The following GABRB3 variants were observed in gnomAD, a reference collection of about 807,000 sequenced individuals.
GABRB3 encodes gamma-aminobutyric acid receptor subunit beta-3.
Under a neutral mutation model 52.1 loss-of-function variants are expected in GABRB3, and 14 were observed. The ratio of observed to expected loss-of-function variants is 0.27; its 90% CI spans 0.18 to 0.42. GABRB3 has a LOEUF of 0.42. GABRB3 is among the 10% of genes least tolerant of loss of function. GABRB3 has a pLI of 1.00. For synonymous variants in GABRB3, 260 were observed against 232.3 expected (o/e 1.12, Z -1.08); for missense variants, 307 against 609.1 (o/e 0.50, Z 5.22).
intron 3 of GABRB3, among the ~76,000 whole-genome samples, chr15:26,711,850 T>C (rs981777): frequency 0.42 from 63,415 of 151,554 alleles, 13,557 homozygotes; most frequent in African/African-American, 0.51. Flanking sequence ...CTTGTCAATT[T>C]GCGAAAAGTA....
chr15:26,680,474 T>G (rs1315863272), intron 3 of GABRB3, among the ~76,000 whole-genome samples: 1 of 84,298 alleles, frequency 1.2e-5, no homozygotes, highest in Non-Finnish European at 2.8e-5. Context: ...ACAGCCTTGT[T>G]ATGAAATTGA....
intron 3 of GABRB3, among the ~76,000 whole-genome samples, chr15:26,653,330 G>A (rs1887256077): frequency 6.6e-6 from 1 of 152,184 alleles, no homozygotes; most frequent in East Asian, 1.9e-4. Flanking sequence ...TAAGATTGGT[G>A]TTCAAGGTAT....
At chr15:26,739,680 G>T (rs560814718) in intron 3 of GABRB3, among the ~76,000 whole-genome samples, 13 of 152,212 alleles carry the variant, frequency 8.5e-5, no homozygotes, top group African/African-American at 3.1e-4. Context: ...ATTAGAAAAA[G>T]ATTTTTATTG....
chr15:26,657,592 G>A (rs1356175032), intron 3 of GABRB3, among the ~76,000 whole-genome samples: 1 of 152,220 alleles, frequency 6.6e-6, no homozygotes, highest in African/African-American at 2.4e-5. Context: ...CCTGTGTTAG[G>A]TGCTTTATAT....
At chr15:26,675,154 T>G (rs564086763) in intron 3 of GABRB3, among the ~76,000 whole-genome samples, 94 of 152,328 alleles carry the variant, frequency 6.2e-4, no homozygotes, top group African/African-American at 2.2e-3. Flanking sequence ...CCAGTTGAGA[T>G]TGTGGAGCTG....
At chr15:26,679,800 C>T (rs542041316) in intron 3 of GABRB3, among the ~76,000 whole-genome samples, 19 of 152,114 alleles carry the variant, frequency 1.2e-4, no homozygotes, top group Non-Finnish European at 8.8e-5. Flanking sequence ...GGCTGGGACC[C>T]ACTGGATCCA....
intron 3 of GABRB3, among the ~76,000 whole-genome samples, chr15:26,730,491 C>A (rs1028522027): frequency 2.6e-5 from 4 of 152,102 alleles, no homozygotes; most frequent in African/African-American, 4.8e-5. Context: ...CTCACCACCC[C>A]CCGTGCGGAT....
intron 3 of GABRB3, among the ~76,000 whole-genome samples, chr15:26,679,661 G>A (rs1182029000): frequency 6.6e-6 from 1 of 152,006 alleles, no homozygotes; most frequent in Non-Finnish European, 1.5e-5. Flanking sequence ...GCCAGAAACA[G>A]TTCCCTCCAC....
chr15:26,567,425 C>A (rs926023937), intron 7 of GABRB3, among the ~76,000 whole-genome samples, 156 bp downstream of exon 7: 2 of 152,100 alleles, frequency 1.3e-5, no homozygotes, highest in African/African-American at 4.8e-5. Context: ...GGGAATCGTG[C>A]GTGAAATTAG....
intron 4 of GABRB3, among the ~76,000 whole-genome samples, chr15:26,589,988 T>C (rs1820522756): frequency 1.3e-5 from 2 of 152,142 alleles, no homozygotes; most frequent in Admixed American, 1.3e-4. Flanking sequence ...ACTCCCAGCA[T>C]GAGTCCTGGC....
chr15:26,594,600 ACCTTC>A (rs1448887972), intron 4 of GABRB3, among the ~76,000 whole-genome samples: 2 of 152,158 alleles, frequency 1.3e-5, no homozygotes, highest in Non-Finnish European at 2.9e-5. Context: ...GGCTCAAGTG[ACCTTC>A]CTGTGTTAGC....
At chr15:26,608,219 C>G (rs903649136) in intron 4 of GABRB3, among the ~76,000 whole-genome samples, 3 of 151,936 alleles carry the variant, frequency 2.0e-5, no homozygotes, top group African/African-American at 7.2e-5. Context: ...AAAGAATAAT[C>G]TCTTCCATAA....
upstream of GABRB3, chr15:26,773,083 G>A (rs1595364240): frequency 8.0e-6 from 8 of 998,786 alleles, no homozygotes; most frequent in South Asian, 4.6e-5. Context: ...GAGCGGAGGA[G>A]GGCGGAGGGG....
chr15:26,621,196 T>A lies in GABRB3; in HGVS notation c.461+118A>T. On this transcript the variant is annotated intron_variant, in intron 4 of 8. Transcript: ENST00000311550. The surrounding 1 kb of genome is among the most constrained non-coding windows in gnomAD (Gnocchi z 4.1). ...TTTTCTGCAAAGCTTTAGTGCTTCA[T>A]AGATGCTTCCTAATTTATCTGAGGT... The A allele has an allele frequency of 3.4e-6, 3 of 887,966 alleles. No homozygotes were observed. Among genetic ancestry groups the A allele is most frequent in the Non-Finnish European group, 5.7e-6 (3 of 528,076 alleles). 55.0% of individuals were successfully genotyped at this position (887,966 alleles called of 1,614,324 possible).
At position 26,726,437 on chromosome 15, in the gene GABRB3, G is replaced by A. The variant is rs559609178; in HGVS notation, c.240+45965C>T. Among the ~76,000 whole-genome samples the A allele has an allele frequency of 3.9e-5, 6 of 152,234 alleles. No homozygotes were observed. In the East Asian group the frequency reaches 5.8e-4, roughly 15 times the overall value. ...ATTTGAATGTCACTGATAGTTCCAC[G>A]TTAGTTCCTTTCTGGACCCGGTTCC... On this transcript the variant is annotated intron_variant, in intron 3 of 8. Coordinates refer to ENST00000311550, the MANE Select transcript of GABRB3 (RefSeq NM_000814.6).
chr15:26,594,038 A>G (rs1891305792), intron 4 of GABRB3, among the ~76,000 whole-genome samples: 1 of 146,586 alleles, frequency 6.8e-6, no homozygotes, highest in Non-Finnish European at 1.5e-5. Flanking sequence ...GTAGTATCTC[A>G]TTGTGGTTTA....
chr15:26,667,126 C>T (rs1002054820), intron 3 of GABRB3, among the ~76,000 whole-genome samples: 3 of 152,336 alleles, frequency 2.0e-5, no homozygotes, highest in African/African-American at 4.8e-5. Flanking sequence ...CGGTCCCGAA[C>T]GCATCCTGTA....
In GABRB3 at chr15:26,546,891, C is replaced by A. The variant is rs963722826; in HGVS notation, c.*902G>T. On this transcript the variant is annotated 3_prime_UTR_variant, in exon 9 of 9. Transcript: ENST00000311550. ...TAGAGTAACGAATAACCTGAGACGT[C>A]TATGCTTTCTGTTGGATATCAGGCC... The A allele has an allele frequency of 6.6e-6, 1 of 151,636 alleles. No individual in the cohort carries two copies. The highest frequency in any genetic ancestry group is 2.4e-5 in the African/African-American group (1 of 41,232). 9.4% of individuals were successfully genotyped at this position (151,636 alleles called of 1,614,324 possible).
intron 3 of GABRB3, among the ~76,000 whole-genome samples, chr15:26,709,176 T>C (rs1889202674): frequency 6.6e-6 from 1 of 152,218 alleles, no homozygotes; most frequent in Non-Finnish European, 1.5e-5. Context: ...AGTTTGGATA[T>C]GTGTCCACTC....
Sources: allele counts gnomAD v4.1 joint callset (sites outside exome capture counted in the v4.1 genomes callset), GRCh38; gene constraint gnomAD v4.1.1; non-coding constraint Gnocchi (gnomAD v3.1); transcripts MANE v1.5; gene names NCBI Gene and HGNC (gene_info 2026-07-23, HGNC 2026-07-21).